DMD: variants seen among roughly 807,000 people sequenced by gnomAD.
The protein encoded by DMD is dystrophin, also known as mutant dystrophin.
A neutral mutation model predicts 330.1 loss-of-function variants in DMD; 63 were observed. The observed-to-expected ratio is 0.19, with a 90% CI of 0.16 to 0.24. DMD has a LOEUF of 0.24. DMD is among the 10% of genes least tolerant of loss of function. DMD has a pLI of 1.00. For missense variants in DMD, 3,344 were observed against 2,684.1 expected (o/e 1.25, Z -5.43); for synonymous variants, 1,223 against 959.8 (o/e 1.27, Z -5.07).
intron 48 of DMD, among the ~76,000 whole-genome samples, chrX:31,843,847 T>TATTGTATTGTATTGTATTGTATTGTATTA (rs774530515): frequency 9.2e-6 from 1 of 109,178 alleles, no homozygotes; most frequent in Non-Finnish European, 1.9e-5. Flanking sequence ...GTTTGAGATT[T>TATTGTATTGTATTGTATTGTATTGTATTA]TATTGTATTG....
Position 32,740,915 on chromosome X carries a change from C to A in DMD, c.650-41622G>T, listed in dbSNP as rs113857730. Among the ~76,000 whole-genome samples, 390 of 111,540 alleles carry A rather than the reference C, an allele frequency of 3.5e-3. 1 individual carries two copies. The highest frequency in any genetic ancestry group is 0.012 in the African/African-American group (366 of 30,766). On this transcript the variant is annotated intron_variant, in intron 7 of 78. Coordinates refer to ENST00000357033, the MANE Select transcript of DMD (RefSeq NM_004006.3). ...TAAATATATACTCATGGATTCAAAT[C>A]AAGTTATTTATGACTCTAAAACTTA... is the stretch of plus-strand genomic sequence containing the variant.
Position 31,167,673 on chromosome X carries a change from C to T in DMD, c.10553+1770G>A, listed in dbSNP as rs189654326. Among the ~76,000 whole-genome samples, 557 of 111,928 alleles carry T rather than the reference C, an allele frequency of 5.0e-3. 5 individuals are homozygous for T. The highest frequency in any genetic ancestry group is 7.6e-3 in the Non-Finnish European group (402 of 53,197). On this transcript the variant is annotated intron_variant, in intron 74 of 78. Coordinates refer to ENST00000357033, the MANE Select transcript of DMD (RefSeq NM_004006.3). Reference sequence around the variant, plus strand: ...GAAATGTTTTCTCTACCATGGTCTTCACTGACAAATGATCTCAAAAGTACG... The same window carrying T: ...GAAATGTTTTCTCTACCATGGTCTTTACTGACAAATGATCTCAAAAGTACG...
intron 44 of DMD, among the ~76,000 whole-genome samples, chrX:32,104,715 T>C (rs1044868238): frequency 1.3e-4 from 15 of 111,959 alleles, no homozygotes; most frequent in Admixed American, 4.8e-4. Flanking sequence ...AGAAGACCTA[T>C]TGAAGATGCC....
intron 63 of DMD, among the ~76,000 whole-genome samples, chrX:31,228,121 T>C (rs111380109): frequency 6.0e-3 from 353 of 58,824 alleles, no homozygotes; most frequent in African/African-American, 0.022. Context: ...GTGGGGGGAG[T>C]GGGGGGGATA....
intron 41 of DMD, among the ~76,000 whole-genome samples, chrX:32,324,224 T>G (rs990892534): frequency 6.3e-5 from 7 of 111,669 alleles, no homozygotes; most frequent in African/African-American, 2.3e-4. Flanking sequence ...TCATTATACA[T>G]TCTATGCATG....
At chrX:32,566,179 A>G (rs1181117333) in intron 15 of DMD, among the ~76,000 whole-genome samples, 1 of 112,064 alleles carries the variant, frequency 8.9e-6, no homozygotes, top group Non-Finnish European at 1.9e-5. Context: ...AAAAGGTAAT[A>G]TTGCTTCAAA....
intron 16 of DMD, among the ~76,000 whole-genome samples, chrX:32,552,086 T>C (rs1436150301): frequency 8.9e-6 from 1 of 111,818 alleles, no homozygotes; most frequent in Non-Finnish European, 1.9e-5. Context: ...CCCAAAAAAC[T>C]ACCAATAACA....
chrX:32,196,902 C>T (rs762242507), intron 44 of DMD, among the ~76,000 whole-genome samples: 12 of 97,188 alleles, frequency 1.2e-4, no homozygotes, highest in South Asian at 5.6e-4. Context: ...AGGAGAATGG[C>T]GTAAACCCGG....
chrX:32,190,826 G>A (rs1049868033), intron 44 of DMD, among the ~76,000 whole-genome samples: 1 of 108,556 alleles, frequency 9.2e-6, no homozygotes, highest in African/African-American at 3.4e-5. Context: ...GCTGGCTCTA[G>A]GCAAGCACCT....
intron 7 of DMD, among the ~76,000 whole-genome samples, chrX:32,808,307 T>C (rs180710603): frequency 8.9e-6 from 1 of 112,490 alleles, no homozygotes; most frequent in Admixed American, 9.4e-5. Flanking sequence ...CTAACATTTT[T>C]GTTGTAATTT....
intron 34 of DMD, among the ~76,000 whole-genome samples, chrX:32,366,931 T>C (rs1400216495): frequency 1.8e-5 from 2 of 112,271 alleles, no homozygotes; most frequent in East Asian, 5.6e-4. Flanking sequence ...TCGACAGCTA[T>C]CATGCATGGG....
Position 32,316,004 on chromosome X carries a change from C to G in DMD, c.5923-5728G>C, listed in dbSNP as rs5972522. On this transcript the variant is annotated intron_variant, in intron 41 of 78. Coordinates refer to ENST00000357033, the MANE Select transcript of DMD (RefSeq NM_004006.3). ...CAAACTTTTAAATAATGAAGAAGCT[C>G]TTATTAACCTGATCGAAATACTCTT... 5.2e-3 allele frequency among the ~76,000 whole-genome samples: 583 copies of G among 111,120 alleles called. 1 individual carries two copies. The highest frequency in any genetic ancestry group is 0.023 in the Middle Eastern group (5 of 217).
rs1381899614 is a variant in DMD, at chrX:31,268,973, T to C, written c.9225-7957A>G. Among the ~76,000 whole-genome samples, 3 of 111,973 alleles carry C rather than the reference T, an allele frequency of 2.7e-5. No individual in the cohort carries two copies. The East Asian group carries it at 8.3e-4, about 31-fold the overall frequency. On this transcript the variant is annotated intron_variant, in intron 62 of 78. Coordinates refer to ENST00000357033, the MANE Select transcript of DMD (RefSeq NM_004006.3). ...TTAGAAAACTACTAAGAATAATCTG[T>C]TGACAAGAAAAAAGAATGGAATAAG...
intron 51 of DMD, among the ~76,000 whole-genome samples, chrX:31,730,717 TGTTA>T (rs2086442282): frequency 8.9e-6 from 1 of 111,777 alleles, no homozygotes; most frequent in African/African-American, 3.2e-5. Context: ...TAATATTTAC[TGTTA>T]GTTTATAAGC....
intron 1 of DMD, chrX:33,041,746 T>C: frequency 8.5e-7 from 1 of 1,180,268 alleles, no homozygotes. Context: ...GGGGTGGTTT[T>C]TGCATTAAAT....
chrX:31,413,321 CTA>C (rs2061725288), intron 60 of DMD, among the ~76,000 whole-genome samples: 2 of 112,318 alleles, frequency 1.8e-5, no homozygotes, highest in Admixed American at 1.9e-4. Flanking sequence ...GTTCCTCAGC[CTA>C]TATTTGTACA....
chrX:31,234,608 G>T (rs771028654), intron 63 of DMD, among the ~76,000 whole-genome samples: 2 of 111,838 alleles, frequency 1.8e-5, no homozygotes, highest in Non-Finnish European at 3.8e-5. Flanking sequence ...AGGGGTTAAA[G>T]ATTCAGGTTT....
intron 52 of DMD, among the ~76,000 whole-genome samples, chrX:31,723,547 A>G (rs2085744768): frequency 9.4e-6 from 1 of 106,397 alleles, no homozygotes; most frequent in Non-Finnish European, 1.9e-5. Context: ...TTTTTACTCC[A>G]TGGTCACTGC....
chrX:31,940,029 C>T (rs868375482), intron 45 of DMD, among the ~76,000 whole-genome samples: 4 of 111,681 alleles, frequency 3.6e-5, no homozygotes, highest in Admixed American at 9.5e-5. Flanking sequence ...TTGATATGGC[C>T]GTGAATATCG....
Sources: allele counts gnomAD v4.1 joint callset (sites outside exome capture counted in the v4.1 genomes callset), GRCh38; gene constraint gnomAD v4.1.1; transcripts MANE v1.5; gene names NCBI Gene and HGNC (gene_info 2026-07-23, HGNC 2026-07-21).